Variants in SAMD14 observed in about 807,000 individuals in gnomAD.
SAMD14 encodes sterile alpha motif domain containing 14, also known as sterile alpha motif domain-containing protein 14.
In SAMD14, 27 loss-of-function variants were observed where a neutral mutation model predicts 46.2. The ratio of observed to expected loss-of-function variants is 0.58; its 90% CI spans 0.43 to 0.81. SAMD14 has a LOEUF of 0.81. SAMD14 is among the 30% of genes least tolerant of loss of function. The probability of loss-of-function intolerance (pLI) is 0.00; values close to 1 mark genes in which losing one functional copy is unlikely to be tolerated. For missense variants in SAMD14, 559 were observed against 582.2 expected, an observed-to-expected ratio of 0.96 and a Z score of 0.41; for synonymous variants, 241 against 254.3, an observed-to-expected ratio of 0.95 and a Z score of 0.50.
At position 50,115,492 on chromosome 17, in the gene SAMD14, C is replaced by G; in HGVS notation, c.822+72G>C. On this transcript the variant is annotated intron_variant, in intron 7 of 9. Transcript: ENST00000330175. This position sits in a 1 kb window ranked among gnomAD's most constrained non-coding sequence, Gnocchi z 5.3. ...AGGAATGTCTGAATCCCAGCCTGAG[C>G]CAAGGTGAAGTACGCCCTCATGTCA... The G allele has an allele frequency of 1.6e-5, 24 of 1,470,848 alleles. No individual in the cohort carries two copies. The highest frequency in any genetic ancestry group is 2.2e-5 in the Non-Finnish European group (24 of 1,097,688). 91.1% of individuals were successfully genotyped at this position (1,470,848 alleles called of 1,614,324 possible).
chr17:50,110,455 C>G lies in SAMD14; in HGVS notation c.*2438G>C, dbSNP rs1910772177. The G allele has an allele frequency of 1.1e-5, 2 of 176,082 alleles. No homozygotes were observed. The highest frequency in any genetic ancestry group is 2.4e-5 in the Non-Finnish European group (2 of 83,842). 10.9% of individuals were successfully genotyped at this position (176,082 alleles called of 1,614,324 possible). On this transcript the variant is annotated 3_prime_UTR_variant, in exon 10 of 10. Transcript: ENST00000330175. ...GTCCCCCTCAGCACCCTCCACAGCA[C>G]AGGCCTTCCAAGTGGATGTCCCGTT...
At chr17:50,124,724 G>GTGACAAAGGGTCAGGCCACAATACC (rs1911661048) in intron 2 of SAMD14, among the ~76,000 whole-genome samples, 193 bp downstream of exon 2, 1 of 151,614 alleles carries the variant, frequency 6.6e-6, no homozygotes, top group Non-Finnish European at 1.5e-5. Flanking sequence ...TAAGATAGTG[G>GTGACAAAGGGTCAGGCCACAATACC]TGACAAAGGG....
intron 2 of SAMD14, among the ~76,000 whole-genome samples, chr17:50,119,241 G>A (rs574672400): frequency 4.6e-5 from 7 of 152,324 alleles, no homozygotes; most frequent in Non-Finnish European, 7.4e-5. Context: ...TGGGTCCAGC[G>A]TTAAAGTCCT....
In SAMD14 at chr17:50,130,082, G is replaced by A. The variant is rs965647926; in HGVS notation, c.-578C>T. Among the ~76,000 whole-genome samples the A allele has an allele frequency of 4.6e-5, 7 of 151,694 alleles. No homozygotes were observed. Among genetic ancestry groups the A allele is most frequent in the Non-Finnish European group, 7.4e-5 (5 of 67,780 alleles). On this transcript the variant is annotated 5_prime_UTR_variant, in exon 1 of 10. Transcript: ENST00000330175. This position sits in a 1 kb window ranked among gnomAD's most constrained non-coding sequence, Gnocchi z 4.1. ...GGAGGGAGCGAGGGGGCGGGGGCGGGGGAGGGCGGCGGGGAGGAGGCGGCT... is the reference window on the plus strand; with the variant it reads ...GGAGGGAGCGAGGGGGCGGGGGCGGAGGAGGGCGGCGGGGAGGAGGCGGCT...
chr17:50,124,775 A>ACG, intron 2 of SAMD14, 142 bp downstream of exon 2: 1 of 354,168 alleles, frequency 2.8e-6, no homozygotes, highest in East Asian at 4.2e-5. Context: ...GCGCGCGCAC[A>ACG]CACACACACA....
intron 2 of SAMD14, chr17:50,124,273 C>A (rs771488915): frequency 9.1e-6 from 4 of 437,160 alleles, no homozygotes; most frequent in Non-Finnish European, 1.9e-5. Flanking sequence ...TGTGTGCATG[C>A]ACCCCAGTGT....
rs1008473982 is a variant in SAMD14, at chr17:50,111,903, G to A, written c.*990C>T. 2 of 152,310 alleles carry A rather than the reference G, an allele frequency of 1.3e-5. No homozygotes were observed. The highest frequency in any genetic ancestry group is 3.9e-4 in the East Asian group (2 of 5,182). The allele number at this position is 152,310 out of a possible 1,614,324, so 9.4% of individuals were successfully genotyped here. A position where few individuals can be genotyped will look rare whatever the true frequency, so the allele number is the denominator to read the frequency against. On this transcript the variant is annotated 3_prime_UTR_variant, in exon 10 of 10. Coordinates refer to ENST00000330175, the MANE Select transcript of SAMD14 (RefSeq NM_001257359.2). ...GCCCACTGATTCCCTGACAATGCCT[G>A]GGGCAGATGGGGGAGGGCTGATGAA...
rs535278577 is a variant in SAMD14 at position 50,126,234 on chromosome 17, G to A, written c.-12-1263C>T. On this transcript the variant is annotated intron_variant, in intron 1 of 9. Transcript: ENST00000330175. ...GGAAGGCTAGGCCACATGCCTGCTGGGGTCTTTTCCAACTCTTCTTTTCTG... is the reference window on the plus strand; with the variant it reads ...GGAAGGCTAGGCCACATGCCTGCTGAGGTCTTTTCCAACTCTTCTTTTCTG... 2.0e-4 allele frequency among the ~76,000 whole-genome samples: 31 copies of A among 152,250 alleles called. 1 individual carries two copies. In the South Asian group the frequency reaches 5.8e-3, roughly 29 times the overall value.
In SAMD14 at chr17:50,115,898, G is replaced by A; in HGVS notation, c.594C>T (p.Thr198=). The A allele has an allele frequency of 6.2e-7, 1 of 1,613,234 alleles. No homozygotes were observed. The highest frequency in any genetic ancestry group is 1.6e-4 in the Middle Eastern group (1 of 6,062). Residue 198 remains threonine, a synonymous_variant, in exon 6 of 10, where the codon ACC becomes ACT. Transcript: ENST00000330175. The surrounding 1 kb of genome is among the most constrained non-coding windows in gnomAD (Gnocchi z 5.3). ...TCTTGCCCGTGGATGCTCGGCGCAG[G>A]GTGACCCTGTGGGGAGGCAGCAGGA... ...TRRKFLDLGV[T]LRRASTGKSR...
At chr17:50,116,215 A>C in intron 4 of SAMD14, 125 bp from the exon 5 acceptor site, 1 of 1,426,994 alleles carries the variant, frequency 7.0e-7, no homozygotes, top group South Asian at 1.5e-5. Flanking sequence ...GGTGGCCTTC[A>C]CTAGCTGGGT....
At chr17:50,125,374 T>C (rs1286296582) in intron 1 of SAMD14, 1 of 191,036 alleles carries the variant, frequency 5.2e-6, no homozygotes, top group African/African-American at 2.3e-5. Context: ...GGAGAAGTCA[T>C]GGAGATTATT....
At chr17:50,113,116 G>C (rs1910955295) in intron 9 of SAMD14, 68 bp from the exon 10 acceptor site, 2 of 1,567,436 alleles carry the variant, frequency 1.3e-6, no homozygotes, top group Admixed American at 3.5e-5. Context: ...CCACGCCCAG[G>C]CTCCTTTTGC....
rs1188933203 is a variant in SAMD14, at chr17:50,116,009, T to C, written c.581A>G (p.Asp194Gly). The C allele has an allele frequency of 6.2e-7, 1 of 1,613,976 alleles. No individual in the cohort carries two copies. Among genetic ancestry groups the C allele is most frequent in the African/African-American group, 1.3e-5 (1 of 74,906 alleles). ...TAGCCCCGCCTCCACTCACCCCAGG[T>C]CCAGGAACTTTCGGCGAGTCTTCTT... ...LDKKTRRKFL[D>G]LGVTLRRAST... is the part of the protein sequence containing the mutation. Residue 194 changes from aspartate to glycine, a missense_variant, in exon 5 of 10, where the codon GAC (aspartate) becomes GGC (glycine). Coordinates refer to ENST00000330175, the MANE Select transcript of SAMD14 (RefSeq NM_001257359.2).
Position 50,114,533 on chromosome 17 carries a change from A to G in SAMD14, c.823-227T>C. Reference sequence around the variant, plus strand: ...ATCTGGAGGACATGGGGCTAGAACCAAGCCAGGTTAGTAGGAATGGAGGCG... The same window carrying G: ...ATCTGGAGGACATGGGGCTAGAACCGAGCCAGGTTAGTAGGAATGGAGGCG... On this transcript the variant is annotated intron_variant, in intron 7 of 9. Coordinates refer to ENST00000330175, the MANE Select transcript of SAMD14 (RefSeq NM_001257359.2). 3.3e-6 allele frequency: 4 copies of G among 1,208,514 alleles called. No individual in the cohort carries two copies. In the African/African-American group the frequency reaches 6.2e-5, roughly 19 times the overall value. The allele number at this position is 1,208,514 out of a possible 1,614,324, so 74.9% of individuals were successfully genotyped here.
Position 50,117,610 on chromosome 17 carries a change from C to G in SAMD14, c.296G>C (p.Cys99Ser). 1 of 1,555,770 alleles carries G rather than the reference C, an allele frequency of 6.4e-7. No homozygotes were observed. Residue 99 changes from cysteine to serine, a missense_variant, in exon 4 of 10, where the codon TGC (cysteine) becomes TCC (serine). Physicochemically the swap from Cys to Ser is moderately radical, Grantham distance 112. Coordinates refer to ENST00000330175, the MANE Select transcript of SAMD14 (RefSeq NM_001257359.2). The part of the protein sequence containing the change: ...GPGSPAGGSF[C>S]LDPPGLRRSL... ...GCGCCGCAACCCCGGAGGATCCAGG[C>G]AGAAAGAGCCCCCGGCCGGGGACCC... is the stretch of plus-strand genomic sequence containing the variant.
chr17:50,129,855 A>C lies in SAMD14; in HGVS notation c.-351T>G, dbSNP rs1285520224. On this transcript the variant is annotated 5_prime_UTR_variant, in exon 1 of 10. Transcript: ENST00000330175. The surrounding 1 kb of genome is among the most constrained non-coding windows in gnomAD (Gnocchi z 5.6). Reference sequence around the variant, plus strand: ...GTGTGTGTGTGTGACAGAGAGAGAGAGAGAGAGAAGAGCGAAGAGCGAGCG... The same window carrying C: ...GTGTGTGTGTGTGACAGAGAGAGAGCGAGAGAGAAGAGCGAAGAGCGAGCG... 2 of 151,768 alleles carry C rather than the reference A, an allele frequency of 1.3e-5. No homozygotes were observed. Among genetic ancestry groups the C allele is most frequent in the African/African-American group, 2.4e-5 (1 of 41,126 alleles). 9.4% of individuals were successfully genotyped at this position (151,768 alleles called of 1,614,324 possible).
rs1911145140 is a variant in SAMD14, at chr17:50,115,621, G to A, written c.765C>T (p.Thr255=). 6.2e-7 allele frequency: 1 copy of A among 1,601,798 alleles called. No individual in the cohort carries two copies. Among genetic ancestry groups the A allele is most frequent in the African/African-American group, 1.3e-5 (1 of 74,800 alleles). Residue 255 remains threonine (T), a synonymous_variant, in exon 7 of 10, where the codon ACC becomes ACT. Transcript: ENST00000330175. This position sits in a 1 kb window ranked among gnomAD's most constrained non-coding sequence, Gnocchi z 5.3. ...GKGSASSGST[T]SPTCSPKHEG... is the part of the protein sequence containing the mutation. ...CGTGTTTAGGGGAGCAGGTGGGGGA[G>A]GTGGTGCTACCCGAGGATGCTGAGC...
chr17:50,118,052 A>T, intron 3 of SAMD14, 109 bp downstream of exon 3: 1 of 1,182,582 alleles, frequency 8.5e-7, no homozygotes, highest in South Asian at 1.6e-5. Flanking sequence ...CTAGGTCAGG[A>T]GTCTGGGGAT....
At position 50,117,667 on chromosome 17, in the gene SAMD14, T is replaced by A. The variant is rs1476130763; in HGVS notation, c.239A>T (p.His80Leu). Residue 80 changes from histidine (H) to leucine (L), a missense_variant, in exon 4 of 10, where the codon CAC becomes CTC. Coordinates refer to ENST00000330175, the MANE Select transcript of SAMD14 (RefSeq NM_001257359.2). ...TGAGTGCAAAGGCGAGCGCAGCCGGTGCAGGGGGCTCCCGCAGCCATCGGT... is the reference window on the plus strand; with the variant it reads ...TGAGTGCAAAGGCGAGCGCAGCCGGAGCAGGGGGCTCCCGCAGCCATCGGT... ...KVTDGCGSPL[H>L]RLRSPLHSGP... is the part of the protein sequence containing the mutation. 1 of 1,507,914 alleles carries A rather than the reference T, an allele frequency of 6.6e-7. No individual in the cohort carries two copies. The highest frequency in any genetic ancestry group is 8.8e-7 in the Non-Finnish European group (1 of 1,137,668). 93.4% of individuals were successfully genotyped at this position (1,507,914 alleles called of 1,614,324 possible).
Sources: allele counts gnomAD v4.1 joint callset (sites outside exome capture counted in the v4.1 genomes callset), GRCh38; gene constraint gnomAD v4.1.1; non-coding constraint Gnocchi (gnomAD v3.1); transcripts MANE v1.5; gene names NCBI Gene and HGNC (gene_info 2026-07-23, HGNC 2026-07-21).